The following PEBP4 variants were observed in gnomAD, a reference collection of about 807,000 sequenced individuals.
PEBP4 encodes the protein phosphatidylethanolamine binding protein 4, also known as phosphatidylethanolamine-binding protein 4.
A neutral mutation model predicts 23.9 loss-of-function variants in PEBP4; 22 were observed. That is an observed-to-expected ratio of 0.92 (90% CI 0.66 to 1.31). The LOEUF (loss-of-function observed/expected upper bound fraction) is 1.31, where lower values mean the gene tolerates loss of function less well. Ranked by LOEUF, PEBP4 falls within the 40% of genes most tolerant of loss-of-function variation. The pLI, the probability that PEBP4 is intolerant of heterozygous loss-of-function variation, is 0.00. For missense variants in PEBP4, 324 were observed against 281.7 expected (o/e 1.15, Z -1.07); for synonymous variants, 112 against 99.3 (o/e 1.13, Z -0.76).
intron 4 of PEBP4, among the ~76,000 whole-genome samples, chr8:22,733,832 TG>T (rs1804791874): frequency 2.1e-4 from 1 of 4,660 alleles, no homozygotes; most frequent in Admixed American, 2.7e-3. Flanking sequence ...AGGGTGGGGA[TG>T]GGGGAATTGG....
chr8:22,831,053 A>G (rs961236142), intron 3 of PEBP4, among the ~76,000 whole-genome samples: 2 of 152,084 alleles, frequency 1.3e-5, no homozygotes, highest in Non-Finnish European at 2.9e-5. Flanking sequence ...TGCACCCTGT[A>G]TTCCAGTTTC....
intron 3 of PEBP4, among the ~76,000 whole-genome samples, chr8:22,915,427 A>C (rs1366874148): frequency 2.5e-5 from 3 of 118,630 alleles, no homozygotes; most frequent in South Asian, 2.7e-4. Context: ...CCCTCACCTC[A>C]CCATCCTGGC....
At chr8:22,920,004 C>A (rs1809165813) in intron 3 of PEBP4, among the ~76,000 whole-genome samples, 180 bp downstream of exon 3, 1 of 152,160 alleles carries the variant, frequency 6.6e-6, no homozygotes, top group Non-Finnish European at 1.5e-5. Context: ...CACCAGCCCC[C>A]AGCCTTCTCC....
chr8:22,915,331 A>G (rs1389562165), intron 3 of PEBP4, among the ~76,000 whole-genome samples: 1 of 151,868 alleles, frequency 6.6e-6, no homozygotes, highest in Non-Finnish European at 1.5e-5. Context: ...TAAACTCCAC[A>G]CCAGGGCCAT....
chr8:22,795,956 A>C (rs1806251052), intron 4 of PEBP4, among the ~76,000 whole-genome samples: 4 of 152,210 alleles, frequency 2.6e-5, no homozygotes, highest in Admixed American at 2.6e-4. Flanking sequence ...CCGAAATGTG[A>C]GAATTTCTGA....
Position 22,898,340 on chromosome 8 carries a change from C to T in PEBP4, c.258+21844G>A, listed in dbSNP as rs570317847. On this transcript the variant is annotated intron_variant, in intron 3 of 6. Transcript: ENST00000256404. ...CTGGAAGGCAGAGGTTGCAGTGAGC[C>T]GAGATCACACCGCTGCACTCCAGCC... is the stretch of plus-strand genomic sequence containing the variant. 1.2e-4 allele frequency among the ~76,000 whole-genome samples: 16 copies of T among 132,334 alleles called. No individual in the cohort carries two copies. In the East Asian group the frequency reaches 2.2e-3, roughly 18 times the overall value. The allele number at this position is 132,334 out of a possible 152,430, so 86.8% of individuals were successfully genotyped here. A position where few individuals can be genotyped will look rare whatever the true frequency, so the allele number is the denominator to read the frequency against.
At chr8:22,869,852 G>A (rs1017505741) in intron 3 of PEBP4, among the ~76,000 whole-genome samples, 1 of 152,148 alleles carries the variant, frequency 6.6e-6, no homozygotes, top group African/African-American at 2.4e-5. Flanking sequence ...AAACAACAAT[G>A]ACATACCACT....
intron 6 of PEBP4, among the ~76,000 whole-genome samples, chr8:22,720,726 GTC>G (rs889595954): frequency 7.8e-4 from 118 of 152,194 alleles, no homozygotes; most frequent in African/African-American, 2.6e-3. Context: ...GATTTCAGGG[GTC>G]TCTCTGTTCC....
At position 22,727,183 on chromosome 8, in the gene PEBP4, T is replaced by C. The variant is rs748663070; in HGVS notation, c.395A>G (p.Glu132Gly). 1 of 1,613,966 alleles carries C rather than the reference T, an allele frequency of 6.2e-7. No homozygotes were observed. The highest frequency in any genetic ancestry group is 1.1e-5 in the South Asian group (1 of 91,016). Residue 132 changes from glutamate to glycine, a missense_variant, in exon 5 of 7, where the codon GAG (glutamate) becomes GGG (glycine). By Grantham distance (98) the Glu-to-Gly change is moderately conservative (BLOSUM62 -2). Transcript: ENST00000256404. ...DLKKGKIQGQ[E>G]LSAYQAPSPP... is the part of the protein sequence containing the mutation. ...CCTAGGGTCTTACTCACCTGATAAC[T>C]CCTGGCCCTGAATCTTCCCTTTCTT...
chr8:22,874,198 G>A (rs1478833861), intron 3 of PEBP4, among the ~76,000 whole-genome samples: 1 of 152,040 alleles, frequency 6.6e-6, no homozygotes, highest in Admixed American at 6.6e-5. Context: ...AATAAGGTTA[G>A]AATAGTGGAA....
In PEBP4 at chr8:22,719,716, G is replaced by T. The variant is rs570778751; in HGVS notation, c.517+5127C>A. Among the ~76,000 whole-genome samples the T allele has an allele frequency of 5.4e-4, 82 of 152,246 alleles. No homozygotes were observed. The South Asian group carries it at 8.1e-3, about 15-fold the overall frequency. On this transcript the variant is annotated intron_variant, in intron 6 of 6. Transcript: ENST00000256404. ...CATGCCACTCACTGTTTCAGGCTTT[G>T]CTTTCCTCGTTTGCCCTGGGGTAGG...
chr8:22,806,322 T>C (rs1481086672), intron 4 of PEBP4, among the ~76,000 whole-genome samples: 1 of 152,148 alleles, frequency 6.6e-6, no homozygotes, highest in East Asian at 1.9e-4. Context: ...TCCATAAAGA[T>C]ACTGAACAAG....
At chr8:22,919,548 C>T in intron 3 of PEBP4, among the ~76,000 whole-genome samples, 1 of 152,232 alleles carries the variant, frequency 6.6e-6, no homozygotes, top group East Asian at 1.9e-4. Context: ...GACTCTTCCC[C>T]AGGCTTTCCA....
At chr8:22,867,254 A>C (rs894403858) in intron 3 of PEBP4, among the ~76,000 whole-genome samples, 8 of 152,078 alleles carry the variant, frequency 5.3e-5, no homozygotes, top group Non-Finnish European at 1.2e-4. Flanking sequence ...AGGACATTAG[A>C]CTCTGTCAAC....
chr8:22,844,767 C>T (rs1807394568), intron 3 of PEBP4, among the ~76,000 whole-genome samples: 1 of 152,216 alleles, frequency 6.6e-6, no homozygotes, highest in South Asian at 2.1e-4. Context: ...GCTTTGCCCC[C>T]AGCCAGAATC....
At chr8:22,851,445 T>C (rs1807548094) in intron 3 of PEBP4, among the ~76,000 whole-genome samples, 1 of 152,130 alleles carries the variant, frequency 6.6e-6, no homozygotes, top group African/African-American at 2.4e-5. Context: ...ACTTGGGATT[T>C]TGGAACTAGA....
At chr8:22,803,501 C>T (rs1457071165) in intron 4 of PEBP4, among the ~76,000 whole-genome samples, 1 of 151,894 alleles carries the variant, frequency 6.6e-6, no homozygotes, top group East Asian at 1.9e-4. Context: ...CCCATCTCTA[C>T]TAAAAATGCA....
intron 4 of PEBP4, among the ~76,000 whole-genome samples, chr8:22,763,959 A>G (rs997803195): frequency 6.6e-6 from 1 of 152,246 alleles, no homozygotes; most frequent in African/African-American, 2.4e-5. Context: ...TCAAGAGCCC[A>G]TACTCCAGAA....
chr8:22,937,604 T>A (rs1809556945), intron 1 of PEBP4, among the ~76,000 whole-genome samples: 1 of 152,164 alleles, frequency 6.6e-6, no homozygotes, highest in African/African-American at 2.4e-5. Flanking sequence ...TATATAATCT[T>A]GTGGGACCCC....
Sources: allele counts gnomAD v4.1 joint callset (sites outside exome capture counted in the v4.1 genomes callset), GRCh38; gene constraint gnomAD v4.1.1; transcripts MANE v1.5; gene names NCBI Gene and HGNC (gene_info 2026-07-23, HGNC 2026-07-21).